The following CNTN4 variants were observed in gnomAD, a reference collection of about 807,000 sequenced individuals.
CNTN4 encodes contactin 4, also known as contactin-4.
A neutral mutation model predicts 122.5 loss-of-function variants in CNTN4; 77 were observed. That is an observed-to-expected ratio of 0.63 (90% confidence interval 0.52 to 0.76). CNTN4 has a LOEUF of 0.76. CNTN4 is among the 30% of genes least tolerant of loss of function. The pLI is 0.00. For missense variants in CNTN4, 1,256 were observed against 1,259.1 expected (o/e 1.00, Z 0.04); for synonymous variants, 512 against 447.0 (o/e 1.15, Z -1.83).
intron 2 of CNTN4, among the ~76,000 whole-genome samples, chr3:2,156,214 C>T (rs2035712500): frequency 2.0e-5 from 3 of 152,150 alleles, no homozygotes; most frequent in Admixed American, 2.0e-4. Flanking sequence ...TCAGTGCTTC[C>T]ATAACCAGCT....
chr3:2,271,767 A>T (rs1372446632), intron 2 of CNTN4, among the ~76,000 whole-genome samples: 1 of 152,194 alleles, frequency 6.6e-6, no homozygotes, highest in Non-Finnish European at 1.5e-5. Flanking sequence ...AAGAATTATG[A>T]GGCAACTATC....
chr3:2,726,951 G>C (rs1488663290), intron 4 of CNTN4, among the ~76,000 whole-genome samples: 3 of 152,114 alleles, frequency 2.0e-5, no homozygotes, highest in Admixed American at 6.5e-5. Flanking sequence ...TCTGTGCTCT[G>C]CTCCATTTTT....
intron 2 of CNTN4, among the ~76,000 whole-genome samples, chr3:2,225,341 C>T (rs1047825742): frequency 1.3e-5 from 2 of 151,338 alleles, no homozygotes; most frequent in African/African-American, 4.9e-5. Context: ...GGTGAAACCC[C>T]CTCTCTACTA....
chr3:2,209,718 G>A (rs2038523656), intron 2 of CNTN4, among the ~76,000 whole-genome samples: 2 of 152,116 alleles, frequency 1.3e-5, no homozygotes, highest in Admixed American at 6.6e-5. Context: ...TAGCTCTATT[G>A]ATAAAGCTAA....
intron 2 of CNTN4, chr3:2,238,745 T>TTTTTTTTTTTTTTTTTTTA (rs1553606665): frequency 9.2e-6 from 1 of 109,152 alleles, no homozygotes; most frequent in African/African-American, 3.6e-5. Flanking sequence ...GTTTTTTTTT[T>TTTTTTTTTTTTTTTTTTTA]GAGACGGAGT....
intron 3 of CNTN4, among the ~76,000 whole-genome samples, chr3:2,552,525 T>C (rs1280598092): frequency 6.6e-6 from 1 of 152,152 alleles, no homozygotes; most frequent in Non-Finnish European, 1.5e-5. Context: ...TCAGAGAGCT[T>C]GCATGCTAAT....
At chr3:2,321,742 T>C (rs112772708) in intron 2 of CNTN4, among the ~76,000 whole-genome samples, 8 of 152,232 alleles carry the variant, frequency 5.3e-5, no homozygotes, top group African/African-American at 1.2e-4. Flanking sequence ...AGGAAAGTCA[T>C]TTGTGGTCAC....
chr3:2,500,119 T>G (rs2076557389), intron 3 of CNTN4, among the ~76,000 whole-genome samples: 1 of 152,136 alleles, frequency 6.6e-6, no homozygotes, highest in African/African-American at 2.4e-5. Flanking sequence ...ATTGCTGAAC[T>G]CAACCTTTAA....
rs1038571068 is a variant in CNTN4, at chr3:2,340,557, T to A, written c.-89+1324T>A. On this transcript the variant is annotated intron_variant, in intron 3 of 24. Coordinates refer to ENST00000418658, the MANE Select transcript of CNTN4 (RefSeq NM_175607.3). Reference sequence around the variant, plus strand: ...TTAGCCGGATATGGTGGTGCATGCCTGTAGTCCCACTACTGGGAAAGCTGA... The same window carrying A: ...TTAGCCGGATATGGTGGTGCATGCCAGTAGTCCCACTACTGGGAAAGCTGA... 2.0e-5 allele frequency among the ~76,000 whole-genome samples: 3 copies of A among 151,274 alleles called. No individual in the cohort carries two copies. In the East Asian group the frequency reaches 5.8e-4, roughly 29 times the overall value.
chr3:2,461,226 T>A (rs1278545392), intron 3 of CNTN4, among the ~76,000 whole-genome samples: 1 of 152,150 alleles, frequency 6.6e-6, no homozygotes, highest in Non-Finnish European at 1.5e-5. Context: ...TTCTCCTCCC[T>A]TGTACAGATA....
chr3:2,205,242 T>A (rs1410864604), intron 2 of CNTN4, among the ~76,000 whole-genome samples: 2 of 150,728 alleles, frequency 1.3e-5, no homozygotes, highest in African/African-American at 4.8e-5. Context: ...AAAGTTTTTT[T>A]ATTTCTAAAT....
At chr3:2,335,870 A>T (rs945018159) in intron 2 of CNTN4, among the ~76,000 whole-genome samples, 4 of 152,186 alleles carry the variant, frequency 2.6e-5, no homozygotes, top group Non-Finnish European at 5.9e-5. Context: ...ATTTTGGCGT[A>T]ACCCTTAGTT....
intron 12 of CNTN4, 45 bp downstream of exon 12, chr3:2,903,050 A>T (rs372570583): frequency 2.4e-5 from 38 of 1,582,118 alleles, no homozygotes; most frequent in Non-Finnish European, 3.3e-5. Flanking sequence ...AACTCTTTAG[A>T]TCACTAAACT....
At chr3:2,239,387 C>A (rs780953798) in intron 2 of CNTN4, among the ~76,000 whole-genome samples, 40 of 152,140 alleles carry the variant, frequency 2.6e-4, no homozygotes, top group Non-Finnish European at 5.4e-4. Flanking sequence ...CACACAGATA[C>A]ATGCACAGAC....
intron 4 of CNTN4, among the ~76,000 whole-genome samples, chr3:2,619,118 C>T (rs772879023): frequency 6.6e-6 from 1 of 152,200 alleles, no homozygotes; most frequent in Non-Finnish European, 1.5e-5. Flanking sequence ...TCTTTAAGGG[C>T]AGGGACCCTG....
chr3:2,458,537 T>C (rs2049083814), intron 3 of CNTN4, among the ~76,000 whole-genome samples: 1 of 152,182 alleles, frequency 6.6e-6, no homozygotes, highest in African/African-American at 2.4e-5. Flanking sequence ...TATTCCCTCT[T>C]ATGAGATGTT....
intron 2 of CNTN4, among the ~76,000 whole-genome samples, chr3:2,141,937 T>C (rs1279530135): frequency 6.6e-6 from 1 of 152,230 alleles, no homozygotes; most frequent in Non-Finnish European, 1.5e-5. Flanking sequence ...AATTAGTGGC[T>C]TAATCAGAAA....
At chr3:3,049,506 G>A (rs1406696268) in intron 23 of CNTN4, among the ~76,000 whole-genome samples, 2 of 152,124 alleles carry the variant, frequency 1.3e-5, no homozygotes, top group East Asian at 3.9e-4. Flanking sequence ...TGAAGACCTG[G>A]GATCCGAATA....
At chr3:2,140,288 G>C (rs1008022632) in intron 2 of CNTN4, among the ~76,000 whole-genome samples, 1 of 152,198 alleles carries the variant, frequency 6.6e-6, no homozygotes, top group African/African-American at 2.4e-5. Context: ...TTTATGGATT[G>C]ATGAGAAAAC....
Sources: gnomAD v4.1 joint callset for allele counts (sites outside exome capture counted in the v4.1 genomes callset) on GRCh38, gnomAD v4.1.1 for gene constraint, MANE v1.5 for transcripts, NCBI Gene and HGNC (gene_info 2026-07-23, HGNC 2026-07-21) for gene names.